Variants in ZNF726 observed in about 807,000 individuals in gnomAD.
ZNF726 encodes zinc finger protein 92 pseudogene 3.
ZNF726 carries 15 observed loss-of-function variants against 11.6 expected under a neutral mutation model. The observed-to-expected ratio is 1.29, with a 90% CI of 0.86 to 1.99. The LOEUF (loss-of-function observed/expected upper bound fraction) is 1.99. ZNF726 is among the 30% of genes most tolerant of loss of function. The pLI, the probability that ZNF726 is intolerant of heterozygous loss-of-function variation, is 0.00. For missense variants in ZNF726, 890 were observed against 725.6 expected (o/e 1.23, Z -2.60); for synonymous variants, 295 against 243.6 (o/e 1.21, Z -1.96).
chr19:23,927,823 G>T (rs1968021277), intron 3 of ZNF726: 1 of 152,152 alleles, frequency 6.6e-6, no homozygotes, highest in Non-Finnish European at 1.5e-5. Context: ...TGTCCTAACA[G>T]AATACACCAG....
Position 23,934,165 on chromosome 19 carries a change from T to C in ZNF726, c.*198T>C. 1.2e-6 allele frequency: 1 copy of C among 864,186 alleles called. No homozygotes were observed. Among genetic ancestry groups the C allele is most frequent in the Non-Finnish European group, 1.9e-6 (1 of 513,794 alleles). The allele number at this position is 864,186 out of a possible 1,614,324, so 53.5% of individuals were successfully genotyped here. A position where few individuals can be genotyped will look rare whatever the true frequency, so the allele number is the denominator to read the frequency against. ...CAAGTGTGAAGAATGTGGGAAAGCT[T>C]TTAATCATTCTCAAATCTTACTACA... On this transcript the variant is annotated 3_prime_UTR_variant, in exon 4 of 4. Coordinates refer to ENST00000594466, the MANE Select transcript of ZNF726 (RefSeq NM_001244038.2).
chr19:23,929,584 C>G (rs965831838), intron 3 of ZNF726, among the ~76,000 whole-genome samples: 1 of 152,158 alleles, frequency 6.6e-6, no homozygotes, highest in Non-Finnish European at 1.5e-5. Flanking sequence ...CCTCCCACAA[C>G]ATGTGGGAAT....
At chr19:23,935,298 T>C (rs746839223), downstream of ZNF726, 1 of 509,172 alleles carries the variant, frequency 2.0e-6, no homozygotes, top group Non-Finnish European at 4.0e-6. Context: ...ACTCTACAAA[T>C]GTGAAGAATG....
chr19:23,934,159 A>G lies in ZNF726; in HGVS notation c.*192A>G, dbSNP rs1165432885. 5.7e-6 allele frequency: 5 copies of G among 876,226 alleles called. No homozygotes were observed. The African/African-American group carries it at 8.3e-5, about 15-fold the overall frequency. The allele number at this position is 876,226 out of a possible 1,614,324, so 54.3% of individuals were successfully genotyped here. A position where few individuals can be genotyped will look rare whatever the true frequency, so the allele number is the denominator to read the frequency against. ...ACCTTACAAGTGTGAAGAATGTGGG[A>G]AAGCTTTTAATCATTCTCAAATCTT... On this transcript the variant is annotated 3_prime_UTR_variant, in exon 4 of 4. Transcript: ENST00000594466.
chr19:23,933,666 C>G lies in ZNF726; in HGVS notation c.1550C>G (p.Ala517Gly). Residue 517 changes from alanine to glycine, a missense_variant, in exon 4 of 4, where the codon GCA becomes GGA. Ala to Gly is a moderately conservative substitution (Grantham distance 60). Transcript: ENST00000594466. Reference sequence around the variant, plus strand: ...TACAAATGTGAAGAATGTGGCAAAGCATTTATATTGTCCTCGACCCTATCT... The same window carrying G: ...TACAAATGTGAAGAATGTGGCAAAGGATTTATATTGTCCTCGACCCTATCT... Reference protein sequence around the residue: ...KPYKCEECGKAFILSSTLSKH... With the variant: ...KPYKCEECGKGFILSSTLSKH... The G allele has an allele frequency of 6.2e-7, 1 of 1,612,472 alleles. No homozygotes were observed. The highest frequency in any genetic ancestry group is 8.5e-7 in the Non-Finnish European group (1 of 1,179,984).
chr19:23,943,718 TC>T, intron 4 of ZNF726: 1 of 451,292 alleles, frequency 2.2e-6, no homozygotes, highest in East Asian at 3.0e-5. Context: ...CCTTTTTTTT[TC>T]CTCTAGCTCT....
chr19:23,930,136 G>A lies in ZNF726; in HGVS notation c.227-2207G>A, dbSNP rs547347083. 3.9e-4 allele frequency among the ~76,000 whole-genome samples: 59 copies of A among 152,224 alleles called. 1 individual carries two copies. The highest frequency in any genetic ancestry group is 1.1e-3 in the African/African-American group (47 of 41,554). ...TTGGTAGAACTGTGCTACTGGTGAT[G>A]AACACCCTTACCTTTTATTTTGGAT... is the stretch of plus-strand genomic sequence containing the variant. On this transcript the variant is annotated intron_variant, in intron 3 of 3. Transcript: ENST00000594466.
At chr19:23,932,198 T>A (rs1175751227) in intron 3 of ZNF726, 145 bp from the exon 4 acceptor site, 1 of 531,192 alleles carries the variant, frequency 1.9e-6, no homozygotes, top group African/African-American at 2.0e-5. Flanking sequence ...TTTGTTACAT[T>A]TAAATGTCTA....
At position 23,934,267 on chromosome 19, in the gene ZNF726, T is replaced by A; in HGVS notation, c.*300T>A. 1 of 659,248 alleles carries A rather than the reference T, an allele frequency of 1.5e-6. No homozygotes were observed. The highest frequency in any genetic ancestry group is 2.9e-6 in the Non-Finnish European group (1 of 345,296). 40.8% of individuals were successfully genotyped at this position (659,248 alleles called of 1,614,324 possible). On this transcript the variant is annotated 3_prime_UTR_variant, in exon 4 of 4. Coordinates refer to ENST00000594466, the MANE Select transcript of ZNF726 (RefSeq NM_001244038.2). ...AAAGCATATGGTCCACACCCCTAAGTAGACATAAGAGGATGCACACTGGAG... is the reference window on the plus strand; with the variant it reads ...AAAGCATATGGTCCACACCCCTAAGAAGACATAAGAGGATGCACACTGGAG...
In ZNF726 at chr19:23,932,893, T is replaced by C; in HGVS notation, c.777T>C (p.Cys259=). 1.2e-6 allele frequency: 2 copies of C among 1,609,978 alleles called. No homozygotes were observed. The highest frequency in any genetic ancestry group is 1.7e-6 in the Non-Finnish European group (2 of 1,178,562). Residue 259 remains cysteine, a synonymous_variant, in exon 4 of 4, where the codon TGT becomes TGC. Coordinates refer to ENST00000594466, the MANE Select transcript of ZNF726 (RefSeq NM_001244038.2). ...VTHTGEKPYK[C]EECGKAFSQS... Reference sequence around the variant, plus strand: ...ATACTGGAGAGAAGCCTTACAAGTGTGAAGAATGTGGCAAAGCATTTAGCC... The same window carrying C: ...ATACTGGAGAGAAGCCTTACAAGTGCGAAGAATGTGGCAAAGCATTTAGCC...
rs1968178840 is a variant in ZNF726 at position 23,933,888 on chromosome 19, AACCTT to A, written c.1775_1779del (p.Pro592GlnfsTer3). 5.7e-6 allele frequency: 9 copies of A among 1,590,634 alleles called. No homozygotes were observed. Among genetic ancestry groups the A allele is most frequent in the Admixed American group, 1.8e-5 (1 of 56,144 alleles). ...CATAAGATAATTCATACTGGAGAGA[AACCTT>A]ACAAGTGTGACGAATGTGGCAAATC... On this transcript the variant is annotated frameshift_variant, in exon 4 of 4. Coordinates refer to ENST00000594466, the MANE Select transcript of ZNF726 (RefSeq NM_001244038.2). LOFTEE classifies it low-confidence loss of function (END_TRUNC).
At chr19:23,926,944 A>C (rs1278780302) in intron 3 of ZNF726, among the ~76,000 whole-genome samples, 3 of 152,160 alleles carry the variant, frequency 2.0e-5, no homozygotes, top group African/African-American at 7.2e-5. Context: ...ATTTTAAACA[A>C]TGTTTCCTTA....
intron 3 of ZNF726, among the ~76,000 whole-genome samples, chr19:23,942,577 A>G (rs974542320): frequency 1.3e-5 from 2 of 151,982 alleles, no homozygotes; most frequent in Non-Finnish European, 2.9e-5. Flanking sequence ...CCTCCCTCTT[A>G]TGGTATTGAT....
chr19:23,943,469 A>G, intron 3 of ZNF726: 1 of 582,906 alleles, frequency 1.7e-6, no homozygotes, highest in Non-Finnish European at 3.2e-6. Flanking sequence ...CCAGCAAGTC[A>G]TATTACTTTT....
chr19:23,914,921 T>G lies in ZNF726; in HGVS notation c.-74T>G. ...GCGGCCGGAGCTCCAGGTCTCGTCC[T>G]CACTACTCTGTGTCTTCTGCTTTTA... On this transcript the variant is annotated 5_prime_UTR_variant, in exon 1 of 4. Transcript: ENST00000594466. The G allele has an allele frequency of 6.2e-7, 1 of 1,608,140 alleles. No individual in the cohort carries two copies. The highest frequency in any genetic ancestry group is 8.5e-7 in the Non-Finnish European group (1 of 1,177,354).
At position 23,932,964 on chromosome 19, in the gene ZNF726, A is replaced by G. The variant is rs751930145; in HGVS notation, c.848A>G (p.Lys283Arg). The G allele has an allele frequency of 6.2e-7, 1 of 1,612,328 alleles. No homozygotes were observed. Among genetic ancestry groups the G allele is most frequent in the South Asian group, 1.1e-5 (1 of 90,980 alleles). Residue 283 changes from lysine to arginine, a missense_variant, in exon 4 of 4, where the codon AAA becomes AGA. Transcript: ENST00000594466. ...CATAAGAGGATACATACTGGAGAGA[A>G]ACCCTGCAAATGTGAAGAATGTGGC... ...TIHKRIHTGE[K>R]PCKCEECGKA...
At chr19:23,923,925 TTTAA>T (rs376659945) in intron 3 of ZNF726, 1 of 152,390 alleles carries the variant, frequency 6.6e-6, no homozygotes, top group African/African-American at 2.4e-5. Context: ...TAATGTGGAG[TTTAA>T]TTAAAAGATA....
rs374902806 is a variant in ZNF726 at position 23,939,862 on chromosome 19, A to ATTTTTTTTT, written c.227-3620_227-3612dup. 3.8e-3 allele frequency among the ~76,000 whole-genome samples: 327 copies of ATTTTTTTTT among 87,086 alleles called. 21 individuals carry two copies. The highest frequency in any genetic ancestry group is 0.013 in the African/African-American group (274 of 21,748). The allele number at this position is 87,086 out of a possible 152,430, so 57.1% of individuals were successfully genotyped here. On this transcript the variant is annotated intron_variant, in intron 3 of 4. Transcript: ENST00000334589. The stretch of plus-strand genomic sequence containing the variant: ...TGTCTTTGGCCCACTTTTTGATGGG[A>ATTTTTTTTT]TTTTTTTTTTTTTTTTTTTTCTGAC...
In ZNF726 at chr19:23,932,649, G is replaced by A. The variant is rs780009673; in HGVS notation, c.533G>A (p.Cys178Tyr). ...AAGAAACCTTTCAAATGTAAAAATT[G>A]TGTCAAATCATTTTGCATGTTTTCA... ...TRKKPFKCKNCVKSFCMFSHK... is the reference protein window; with the variant it reads ...TRKKPFKCKNYVKSFCMFSHK... Residue 178 changes from cysteine (C) to tyrosine (Y), a missense_variant, in exon 4 of 4, where the codon TGT becomes TAT. Cys to Tyr is a radical substitution (Grantham distance 194, BLOSUM62 -2). Coordinates refer to ENST00000594466, the MANE Select transcript of ZNF726 (RefSeq NM_001244038.2). 2 of 1,570,098 alleles carry A rather than the reference G, an allele frequency of 1.3e-6. No individual in the cohort carries two copies. The highest frequency in any genetic ancestry group is 1.2e-5 in the South Asian group (1 of 84,470).
Sources: gnomAD v4.1 joint callset for allele counts (sites outside exome capture counted in the v4.1 genomes callset) on GRCh38, gnomAD v4.1.1 for gene constraint, MANE v1.5 for transcripts, NCBI Gene and HGNC (gene_info 2026-07-23, HGNC 2026-07-21) for gene names.